Variants in MDFIC observed in about 807,000 individuals in gnomAD.
MDFIC encodes the protein MyoD family inhibitor domain containing, also known as myoD family inhibitor domain-containing protein.
Under a neutral mutation model 23.2 loss-of-function variants are expected in MDFIC, and 17 were observed. The ratio of observed to expected loss-of-function variants is 0.73; its 90% CI spans 0.50 to 1.10. The LOEUF is 1.10. MDFIC is among the 50% of genes least tolerant of loss of function. MDFIC has a pLI of 0.00. For missense variants in MDFIC, 356 were observed against 316.6 expected, an observed-to-expected ratio of 1.12 and a Z score of -0.95; for synonymous variants, 120 against 115.2, an observed-to-expected ratio of 1.04 and a Z score of -0.27.
intron 4 of MDFIC, among the ~76,000 whole-genome samples, chr7:115,010,829 C>T (rs1791668526): frequency 6.6e-6 from 1 of 152,210 alleles, no homozygotes. Context: ...TCCTTCCACA[C>T]TGCCTTCTCT....
chr7:114,998,176 AT>A (rs1791381953), intron 4 of MDFIC, among the ~76,000 whole-genome samples: 1 of 152,198 alleles, frequency 6.6e-6, no homozygotes, highest in Admixed American at 6.5e-5. Context: ...GGATGTTTGA[AT>A]TTTATGACAA....
intron 4 of MDFIC, among the ~76,000 whole-genome samples, chr7:114,984,855 A>G (rs1017720719): frequency 1.3e-5 from 2 of 152,214 alleles, no homozygotes; most frequent in Non-Finnish European, 2.9e-5. Flanking sequence ...GCTTTTAAAG[A>G]AATTTTATAC....
chr7:114,942,209 A>C, intron 2 of MDFIC, 66 bp from the exon 3 acceptor site: 1 of 1,036,474 alleles, frequency 9.6e-7, no homozygotes. Context: ...AGAAAAATGT[A>C]TATACTAAAA....
intron 4 of MDFIC, among the ~76,000 whole-genome samples, chr7:114,997,778 GAAAAGAAAGA>G (rs1162401502): frequency 4.9e-5 from 7 of 144,138 alleles, no homozygotes; most frequent in Admixed American, 2.8e-4. Context: ...GAAAAGAAAA[GAAAAGAAAGA>G]AAAAGAAAGA....
At chr7:114,969,979 G>A (rs1456385264) in intron 3 of MDFIC, among the ~76,000 whole-genome samples, 5 of 152,160 alleles carry the variant, frequency 3.3e-5, no homozygotes, top group African/African-American at 1.2e-4. Flanking sequence ...CTCTGGATAG[G>A]CAGAACGTAG....
chr7:114,956,791 T>C (rs1458358786), intron 3 of MDFIC, among the ~76,000 whole-genome samples: 2 of 152,092 alleles, frequency 1.3e-5, no homozygotes, highest in African/African-American at 4.8e-5. Context: ...AGTATTAAGG[T>C]TTTTGATTGA....
At chr7:114,947,244 A>C (rs573187323) in intron 3 of MDFIC, among the ~76,000 whole-genome samples, 36 of 152,108 alleles carry the variant, frequency 2.4e-4, no homozygotes, top group Non-Finnish European at 4.4e-4. Context: ...ATGCTCATTC[A>C]TTTTTGGGGG....
At chr7:114,970,274 C>T (rs1348542279) in intron 3 of MDFIC, among the ~76,000 whole-genome samples, 1 of 152,126 alleles carries the variant, frequency 6.6e-6, no homozygotes, top group Non-Finnish European at 1.5e-5. Flanking sequence ...TCTTTGTTGG[C>T]AACAAGGACT....
chr7:114,969,977 AG>A (rs1793176726), intron 3 of MDFIC, among the ~76,000 whole-genome samples: 1 of 152,202 alleles, frequency 6.6e-6, no homozygotes, highest in Non-Finnish European at 1.5e-5. Context: ...ACCTCTGGAT[AG>A]GCAGAACGTA....
At chr7:114,925,484 T>G (rs1430364482) in intron 2 of MDFIC, among the ~76,000 whole-genome samples, 1 of 152,210 alleles carries the variant, frequency 6.6e-6, no homozygotes, top group Admixed American at 6.5e-5. Context: ...ACCTTTTTGT[T>G]GTGGTTCTGC....
intron 2 of MDFIC, among the ~76,000 whole-genome samples, chr7:114,939,880 C>T (rs997145199): frequency 2.0e-5 from 3 of 152,130 alleles, no homozygotes; most frequent in Non-Finnish European, 4.4e-5. Context: ...TGAATCAAGC[C>T]TACTAGCATG....
At chr7:114,951,452 A>G (rs1792767847) in intron 3 of MDFIC, among the ~76,000 whole-genome samples, 2 of 152,220 alleles carry the variant, frequency 1.3e-5, no homozygotes, top group African/African-American at 4.8e-5. Flanking sequence ...TTAAAAAAAG[A>G]CATATGTCAG....
chr7:114,954,454 C>G lies in MDFIC; in HGVS notation c.217+12057C>G, dbSNP rs377550129. 3.3e-5 allele frequency among the ~76,000 whole-genome samples: 5 copies of G among 152,356 alleles called. No individual in the cohort carries two copies. In the East Asian group the frequency reaches 7.7e-4, roughly 23 times the overall value. On this transcript the variant is annotated intron_variant, in intron 3 of 4. Transcript: ENST00000393486. ...CACACATCGGTCGGTCTTCTCACTT[C>G]AGGTTCCCAGCCTGTGGGGCATAGA...
chr7:114,957,963 G>T (rs1792914334), intron 3 of MDFIC, among the ~76,000 whole-genome samples: 1 of 152,100 alleles, frequency 6.6e-6, no homozygotes. Context: ...ATAGGGTTTG[G>T]TCATTTAATT....
chr7:114,955,030 T>G (rs1175384065), intron 3 of MDFIC, among the ~76,000 whole-genome samples: 1 of 152,154 alleles, frequency 6.6e-6, no homozygotes, highest in Non-Finnish European at 1.5e-5. Flanking sequence ...TTCAGGCTTG[T>G]CCCTTCAGAA....
chr7:114,964,424 T>C (rs1793053743), intron 3 of MDFIC, among the ~76,000 whole-genome samples: 1 of 152,186 alleles, frequency 6.6e-6, no homozygotes, highest in South Asian at 2.1e-4. Flanking sequence ...ATTTAAACAA[T>C]TGAAATGGGG....
chr7:115,006,935 G>GTTTTACTGTTTTTGC (rs142192123), intron 4 of MDFIC, among the ~76,000 whole-genome samples: 149,783 of 152,284 alleles, frequency 0.98, 73,705 homozygotes, highest in Middle Eastern at 1. Context: ...GTAAAGTATA[G>GTTTTACTGTTTTTGC]TTTCTAGCTT....
intron 4 of MDFIC, among the ~76,000 whole-genome samples, chr7:115,009,765 A>G (rs994360401): frequency 6.6e-6 from 1 of 152,216 alleles, no homozygotes; most frequent in East Asian, 1.9e-4. Context: ...TTTGTTTGGG[A>G]TTGTGTCTTC....
intron 2 of MDFIC, among the ~76,000 whole-genome samples, chr7:114,931,333 C>T (rs530211834): frequency 2.0e-5 from 3 of 152,282 alleles, no homozygotes; most frequent in Admixed American, 6.5e-5. Flanking sequence ...TTCAGATTCA[C>T]GCCCACATGA....
Sources: allele counts gnomAD v4.1 joint callset (sites outside exome capture counted in the v4.1 genomes callset), GRCh38; gene constraint gnomAD v4.1.1; transcripts MANE v1.5; gene names NCBI Gene and HGNC (gene_info 2026-07-23, HGNC 2026-07-21).